MBD5: variants seen among roughly 807,000 people sequenced by gnomAD.
MBD5 encodes methyl-CpG binding domain protein 5.
MBD5 carries 13 observed loss-of-function variants against 117.3 expected under a neutral mutation model. That is an observed-to-expected ratio of 0.11 (90% CI 0.07 to 0.18). The LOEUF (loss-of-function observed/expected upper bound fraction) is 0.18. Ranked by LOEUF, MBD5 falls within the 10% of genes least tolerant of loss-of-function variation. The pLI, the probability that MBD5 is intolerant of heterozygous loss-of-function variation, is 1.00. For synonymous variants in MBD5, 727 were observed against 766.4 expected (o/e 0.95, Z 0.85); for missense variants, 1,879 against 2,093.8 (o/e 0.90, Z 2.00).
intron 1 of MBD5, among the ~76,000 whole-genome samples, chr2:148,065,383 T>G (rs561643033): frequency 8.5e-5 from 13 of 152,266 alleles, no homozygotes; most frequent in Admixed American, 7.2e-4. Flanking sequence ...AGTAGACCTG[T>G]GTGAACCATA....
intron 3 of MBD5, among the ~76,000 whole-genome samples, chr2:148,314,712 C>T (rs930911412): frequency 6.6e-5 from 10 of 152,086 alleles, no homozygotes; most frequent in African/African-American, 9.7e-5. Context: ...GGATTACAGA[C>T]GTCTGCCACT....
intron 3 of MBD5, among the ~76,000 whole-genome samples, chr2:148,334,944 A>G (rs1382302484): frequency 6.6e-6 from 1 of 152,170 alleles, no homozygotes; most frequent in Non-Finnish European, 1.5e-5. Context: ...ATGCTTATAT[A>G]TTTAAATGCT....
At chr2:148,044,075 A>G (rs1694450074) in intron 1 of MBD5, among the ~76,000 whole-genome samples, 1 of 152,230 alleles carries the variant, frequency 6.6e-6, no homozygotes, top group African/African-American at 2.4e-5. Flanking sequence ...CTCCAAGAAG[A>G]GTCATCTTTA....
intron 3 of MBD5, among the ~76,000 whole-genome samples, chr2:148,276,360 C>T (rs1332139964): frequency 6.6e-6 from 1 of 152,018 alleles, no homozygotes; most frequent in East Asian, 1.9e-4. Flanking sequence ...AGAAAAATGT[C>T]AAAGCTATAG....
rs1380718536 is a variant in MBD5 at position 148,329,941 on chromosome 2, T to G, written c.-679-12273T>G. Among the ~76,000 whole-genome samples, 4 of 151,962 alleles carry G rather than the reference T, an allele frequency of 2.6e-5. No individual in the cohort carries two copies. The East Asian group carries it at 7.7e-4, about 29-fold the overall frequency. ...TGCTGCTTTGAGTTTACCAAATATT[T>G]TTATATCTATCATATCAGTTCATCC... On this transcript the variant is annotated intron_variant, in intron 3 of 13. Coordinates refer to ENST00000642680, the MANE Select transcript of MBD5 (RefSeq NM_001378120.1).
chr2:148,142,074 G>A (rs545938614), intron 1 of MBD5, among the ~76,000 whole-genome samples: 2 of 152,084 alleles, frequency 1.3e-5, no homozygotes, highest in Admixed American at 6.6e-5. Flanking sequence ...AAACCGAAGC[G>A]ATAAAAAGGC....
At chr2:148,101,012 T>G (rs1901014) in intron 1 of MBD5, among the ~76,000 whole-genome samples, 63,168 of 152,010 alleles carry the variant, frequency 0.42, 13,339 homozygotes, top group Middle Eastern at 0.54. Flanking sequence ...TTCCACTGCA[T>G]GGGTAGGTCA....
At chr2:148,343,056 C>G (rs746547663) in intron 4 of MBD5, among the ~76,000 whole-genome samples, 21 of 152,062 alleles carry the variant, frequency 1.4e-4, no homozygotes, top group Non-Finnish European at 2.8e-4. Flanking sequence ...TGTTAATTAT[C>G]TTAGGATAAT....
intron 1 of MBD5, among the ~76,000 whole-genome samples, chr2:148,060,820 A>C (rs1430052708): frequency 1.3e-5 from 2 of 152,158 alleles, no homozygotes; most frequent in African/African-American, 4.8e-5. Context: ...ATATTTCAGA[A>C]TTAGAGATAA....
chr2:148,270,395 T>TTTC (rs1700956111), intron 3 of MBD5, among the ~76,000 whole-genome samples: 1 of 148,610 alleles, frequency 6.7e-6, no homozygotes, highest in African/African-American at 2.5e-5. Flanking sequence ...TCCTTTCTAT[T>TTTC]TTTTTTTTTT....
chr2:148,305,190 G>C (rs1193090037), intron 3 of MBD5, among the ~76,000 whole-genome samples: 2 of 152,226 alleles, frequency 1.3e-5, no homozygotes, highest in African/African-American at 2.4e-5. Context: ...AGAGTCACTA[G>C]ACTAAGGATG....
intron 4 of MBD5, among the ~76,000 whole-genome samples, chr2:148,402,169 A>G (rs1303114532): frequency 6.6e-6 from 1 of 152,134 alleles, no homozygotes; most frequent in African/African-American, 2.4e-5. Context: ...CTATGTGGAA[A>G]GAGATACTTT....
intron 1 of MBD5, among the ~76,000 whole-genome samples, chr2:148,081,639 T>A (rs1337662774): frequency 6.6e-6 from 1 of 152,030 alleles, no homozygotes; most frequent in Non-Finnish European, 1.5e-5. Flanking sequence ...GGAAGAGAGG[T>A]AAGAGGAGCA....
intron 1 of MBD5, among the ~76,000 whole-genome samples, chr2:148,043,616 C>T (rs916410864): frequency 4.6e-5 from 7 of 152,216 alleles, no homozygotes; most frequent in African/African-American, 1.7e-4. Context: ...CCAGTTCTGC[C>T]TTTGGCCTAG....
At chr2:148,459,178 A>T (rs1385931178) in intron 5 of MBD5, among the ~76,000 whole-genome samples, 1 of 152,118 alleles carries the variant, frequency 6.6e-6, no homozygotes. Flanking sequence ...ATATCACTTG[A>T]CCTGATATCA....
intron 3 of MBD5, among the ~76,000 whole-genome samples, chr2:148,334,344 T>G (rs1702733679): frequency 6.6e-6 from 1 of 152,100 alleles, no homozygotes; most frequent in African/African-American, 2.4e-5. Context: ...GTTTTGTTTT[T>G]TTTTTAAGAG....
intron 2 of MBD5, among the ~76,000 whole-genome samples, chr2:148,218,216 A>G (rs1699603919): frequency 6.6e-6 from 1 of 152,142 alleles, no homozygotes; most frequent in South Asian, 2.1e-4. Flanking sequence ...GGTCTCATCC[A>G]GGCTGGGCTC....
chr2:148,023,890 G>T (rs886513295), intron 1 of MBD5, among the ~76,000 whole-genome samples: 1 of 151,702 alleles, frequency 6.6e-6, no homozygotes, highest in Non-Finnish European at 1.5e-5. Context: ...ACCTTTTTAA[G>T]TATTAAGAAC....
At chr2:148,264,965 A>C (rs1353672822) in intron 3 of MBD5, 1 of 152,192 alleles carries the variant, frequency 6.6e-6, no homozygotes, top group Non-Finnish European at 1.5e-5. Context: ...GAAAGGGACT[A>C]TCCCAGACTT....
Sources: gnomAD v4.1 joint callset for allele counts (sites outside exome capture counted in the v4.1 genomes callset) on GRCh38, gnomAD v4.1.1 for gene constraint, MANE v1.5 for transcripts, NCBI Gene and HGNC (gene_info 2026-07-23, HGNC 2026-07-21) for gene names.